The following URB1 variants were observed in gnomAD, a reference collection of about 807,000 sequenced individuals.
The protein encoded by URB1 is nucleolar pre-ribosomal-associated protein 1.
In URB1, 197 loss-of-function variants were observed where a neutral mutation model predicts 242.3. The observed-to-expected ratio is 0.81, with a 90% confidence interval of 0.72 to 0.91. URB1 has a LOEUF of 0.91. Ranked by LOEUF, URB1 falls within the 40% of genes least tolerant of loss-of-function variation. The pLI, the probability that URB1 is intolerant of heterozygous loss-of-function variation, is 0.00. For missense variants in URB1, 2,721 were observed against 2,860.5 expected, an observed-to-expected ratio of 0.95 and a Z score of 1.11; for synonymous variants, 1,153 against 1,201.8, an observed-to-expected ratio of 0.96 and a Z score of 0.84.
chr21:32,340,020 G>A (rs1051001236), intron 25 of URB1, among the ~76,000 whole-genome samples: 1 of 152,166 alleles, frequency 6.6e-6, no homozygotes, highest in African/African-American at 2.4e-5. Flanking sequence ...GGAAAGGAAA[G>A]CAACACGCTC....
chr21:32,363,048 C>A, intron 11 of URB1, 108 bp downstream of exon 11: 1 of 1,400,790 alleles, frequency 7.1e-7, no homozygotes, highest in South Asian at 1.5e-5. Context: ...CCTGTCCAAC[C>A]CTGCGGCTCC....
At chr21:32,362,155 G>C (rs1391570652) in intron 11 of URB1, 134 bp from the exon 12 acceptor site, 2 of 1,202,310 alleles carry the variant, frequency 1.7e-6, no homozygotes, top group South Asian at 1.6e-5. Context: ...AGAAGGAGAG[G>C]GAAGAGTGGT....
intron 33 of URB1, 84 bp downstream of exon 33, chr21:32,322,394 C>T (rs1348623742): frequency 8.0e-6 from 10 of 1,247,300 alleles, no homozygotes; most frequent in African/African-American, 3.0e-5. Flanking sequence ...ATACAGGATC[C>T]ATGGGGAAAT....
intron 4 of URB1, among the ~76,000 whole-genome samples, chr21:32,380,655 T>C (rs1040271052): frequency 3.9e-5 from 6 of 152,214 alleles, no homozygotes; most frequent in Admixed American, 2.0e-4. Context: ...CTATGCCTCA[T>C]TGTTCAAATA....
chr21:32,383,525 G>A lies in URB1; in HGVS notation c.464C>T (p.Thr155Ile). The part of the protein sequence containing the change: ...RLARACLSLM[T>I]AMVTQGPEAA... ...TTCCGGACCCTGGGTCACCATGGCG[G>A]TCATCAGGCTCAGGCAGGCGCGAGC... The change falls in exon 4 of 39, where the codon ACC (threonine) becomes ATC (isoleucine). Residue 155 changes from threonine (T) to isoleucine (I), a missense_variant. Thr to Ile is a moderately conservative substitution (Grantham distance 89). Transcript: ENST00000382751. 1.9e-6 allele frequency: 3 copies of A among 1,551,580 alleles called. No individual in the cohort carries two copies. Among genetic ancestry groups the A allele is most frequent in the South Asian group, 1.2e-5 (1 of 84,040 alleles).
chr21:32,337,031 GCTCA>G lies in URB1; in HGVS notation c.4685+59_4685+62del, dbSNP rs2032967136. 32 of 1,466,258 alleles carry G rather than the reference GCTCA, an allele frequency of 2.2e-5. 1 individual carries two copies. In the South Asian group the frequency reaches 3.8e-4, roughly 17 times the overall value. The allele number at this position is 1,466,258 out of a possible 1,614,324, so 90.8% of individuals were successfully genotyped here. A position where few individuals can be genotyped will look rare whatever the true frequency, so the allele number is the denominator to read the frequency against. On this transcript the variant is annotated intron_variant, in intron 28 of 38. Coordinates refer to ENST00000382751, the MANE Select transcript of URB1 (RefSeq NM_014825.3). ...AATGAGAGAAAATCTCGAGTCTGGA[GCTCA>G]CTGTGTGGAGAGCAGGCTGTGACCT... is the stretch of plus-strand genomic sequence containing the variant.
chr21:32,339,017 GTC>G, intron 25 of URB1, 117 bp from the exon 26 acceptor site: 2 of 1,113,022 alleles, frequency 1.8e-6, no homozygotes, highest in Non-Finnish European at 2.5e-6. Context: ...TTGAGATGGA[GTC>G]TCATTCATTC....
At chr21:32,377,298 G>A (rs779951448) in intron 5 of URB1, 1 of 511,730 alleles carries the variant, frequency 2.0e-6, no homozygotes, top group Non-Finnish European at 3.9e-6. Context: ...AGGGGGACGG[G>A]CCCATCATAA....
At position 32,346,999 on chromosome 21, in the gene URB1, G is replaced by A; in HGVS notation, c.3825C>T (p.Tyr1275=). 1.9e-6 allele frequency: 3 copies of A among 1,543,066 alleles called. No individual in the cohort carries two copies. The highest frequency in any genetic ancestry group is 1.8e-6 in the Non-Finnish European group (2 of 1,140,760). ...LDDFLPLIHV[Y]LQCRTRSHFT... ...AGTGGCTCCGTGTCCTGCACTGGAG[G>A]TACACATGGATGAGGGGAAGGAAGT... is the stretch of plus-strand genomic sequence containing the variant. Residue 1275 remains tyrosine (Y), a synonymous_variant, in exon 22 of 39, where the codon TAC becomes TAT. Coordinates refer to ENST00000382751, the MANE Select transcript of URB1 (RefSeq NM_014825.3).
chr21:32,373,206 G>A (rs1048835035), intron 7 of URB1, among the ~76,000 whole-genome samples: 1 of 152,152 alleles, frequency 6.6e-6, no homozygotes, highest in Non-Finnish European at 1.5e-5. Flanking sequence ...GTCAGTAGGT[G>A]AGGCTCCTAG....
At chr21:32,368,678 T>G (rs2033372970) in intron 8 of URB1, 80 bp from the exon 9 acceptor site, 2 of 1,235,930 alleles carry the variant, frequency 1.6e-6, no homozygotes, top group Non-Finnish European at 2.2e-6. Flanking sequence ...CGTGCAGCTC[T>G]GCAGAATTGC....
At chr21:32,341,234 C>A (rs1207631121) in intron 25 of URB1, among the ~76,000 whole-genome samples, 1 of 152,170 alleles carries the variant, frequency 6.6e-6, no homozygotes. Context: ...ATTCTCTGCA[C>A]ATTTCTGTAT....
intron 30 of URB1, among the ~76,000 whole-genome samples, chr21:32,327,183 A>G (rs1355383653): frequency 6.6e-6 from 1 of 152,176 alleles, no homozygotes; most frequent in East Asian, 1.9e-4. Context: ...AAATCACACG[A>G]AAGCACATTG....
chr21:32,363,002 G>A (rs1300418371), intron 11 of URB1, among the ~76,000 whole-genome samples, 154 bp downstream of exon 11: 1 of 152,134 alleles, frequency 6.6e-6, no homozygotes, highest in African/African-American at 2.4e-5. Flanking sequence ...CTTCTCAGCT[G>A]ACCCTCAGCA....
Position 32,361,911 on chromosome 21 carries a change from G to A in URB1, c.1620C>T (p.Ala540=). 1 of 1,551,326 alleles carries A rather than the reference G, an allele frequency of 6.4e-7. No homozygotes were observed. The highest frequency in any genetic ancestry group is 8.7e-7 in the Non-Finnish European group (1 of 1,146,826). Residue 540 remains alanine, a synonymous_variant, in exon 12 of 39, where the codon GCC becomes GCT. Coordinates refer to ENST00000382751, the MANE Select transcript of URB1 (RefSeq NM_014825.3). ...GQKRSDGPPA[A]CDAHQCDDAE... is the part of the protein sequence containing the mutation. ...CCTTACCGCACTGGTGAGCATCGCA[G>A]GCAGCCGGGGGCCCATCGCTCCTTT...
chr21:32,358,282 A>T (rs546592386), intron 14 of URB1, among the ~76,000 whole-genome samples: 1 of 152,282 alleles, frequency 6.6e-6, no homozygotes, highest in East Asian at 1.9e-4. Context: ...AAACTGAGGC[A>T]CTGGGAAGGC....
At position 32,373,716 on chromosome 21, in the gene URB1, C is replaced by T. The variant is rs1285637094; in HGVS notation, c.807G>A (p.Gln269=). The change falls in exon 7 of 39, where the codon CAG becomes CAA. Residue 269 remains glutamine, a synonymous_variant. Coordinates refer to ENST00000382751, the MANE Select transcript of URB1 (RefSeq NM_014825.3). ...ACAGCGATGCTATGTGGTTCAATAA[C>T]TGCCCCGTAAAGAAACGCACCTTCT... The part of the protein sequence containing the change: ...KTQKVRFFTG[Q]LLNHIASLYN... 1 of 1,549,508 alleles carries T rather than the reference C, an allele frequency of 6.5e-7. No homozygotes were observed. Among genetic ancestry groups the T allele is most frequent in the Admixed American group, 2.0e-5 (1 of 50,318 alleles).
At chr21:32,372,203 G>C (rs1223706313) in intron 8 of URB1, among the ~76,000 whole-genome samples, 1 of 152,228 alleles carries the variant, frequency 6.6e-6, no homozygotes, top group Non-Finnish European at 1.5e-5. Flanking sequence ...TCTCTGGCAA[G>C]GCAGACGCCT....
chr21:32,366,530 C>G (rs1052900455), intron 10 of URB1, 88 bp downstream of exon 10: 2 of 1,514,214 alleles, frequency 1.3e-6, no homozygotes. Context: ...TCAAACACAT[C>G]CAGGCCAGTT....
Sources: gnomAD v4.1 joint callset for allele counts (sites outside exome capture counted in the v4.1 genomes callset) on GRCh38, gnomAD v4.1.1 for gene constraint, MANE v1.5 for transcripts, NCBI Gene and HGNC (gene_info 2026-07-23, HGNC 2026-07-21) for gene names.